KSR2: variants seen among roughly 807,000 people sequenced by gnomAD.
KSR2 encodes kinase suppressor of ras 2.
KSR2 carries 25 observed loss-of-function variants against 107.8 expected under a neutral mutation model. The observed-to-expected ratio is 0.23, with a 90% CI of 0.17 to 0.32. The LOEUF (loss-of-function observed/expected upper bound fraction) is 0.32. Among genes scored for constraint, KSR2 ranks in the 10% least tolerant of loss-of-function variants. The pLI is 1.00. For synonymous variants in KSR2, 480 were observed against 507.0 expected (o/e 0.95, Z 0.71); for missense variants, 887 against 1,268.9 (o/e 0.70, Z 4.57).
chr12:117,627,025 C>CTT (rs201042072), intron 5 of KSR2, among the ~76,000 whole-genome samples: 9,607 of 144,674 alleles, frequency 0.066, 649 homozygotes, highest in East Asian at 0.23. Context: ...GCAACCCCTG[C>CTT]TTTTTTTTTT....
intron 1 of KSR2, among the ~76,000 whole-genome samples, chr12:117,900,004 C>T (rs1350840556): frequency 6.6e-6 from 1 of 152,180 alleles, no homozygotes; most frequent in Non-Finnish European, 1.5e-5. Flanking sequence ...AGCAGATCTC[C>T]CCCAGTCCAG....
chr12:117,809,431 C>T (rs772189274), intron 3 of KSR2, among the ~76,000 whole-genome samples: 9 of 152,154 alleles, frequency 5.9e-5, no homozygotes, highest in Non-Finnish European at 1.3e-4. Context: ...GACAAGCCAA[C>T]CTACCTCCTG....
At chr12:117,875,557 A>C in intron 1 of KSR2, among the ~76,000 whole-genome samples, 1 of 152,032 alleles carries the variant, frequency 6.6e-6, no homozygotes, top group Non-Finnish European at 1.5e-5. Flanking sequence ...CACACACATA[A>C]AGAGGCAGGC....
intron 3 of KSR2, among the ~76,000 whole-genome samples, chr12:117,797,164 C>T (rs1203635916): frequency 6.6e-6 from 1 of 152,146 alleles, no homozygotes. Flanking sequence ...AACAGGTGCT[C>T]AAACAAATCT....
At chr12:117,941,253 A>C (rs554364767) in intron 1 of KSR2, among the ~76,000 whole-genome samples, 63 of 151,478 alleles carry the variant, frequency 4.2e-4, no homozygotes, top group Admixed American at 2.3e-3. Flanking sequence ...CAAACATTCC[A>C]CTTCTGCCCC....
At chr12:117,966,737 T>C (rs1258800759) in intron 1 of KSR2, among the ~76,000 whole-genome samples, 2 of 151,520 alleles carry the variant, frequency 1.3e-5, no homozygotes, top group African/African-American at 4.9e-5. Context: ...CTCCTGCATG[T>C]TGACATCCAG....
At chr12:117,966,617 G>A (rs768704361) in intron 1 of KSR2, among the ~76,000 whole-genome samples, 1,898 of 130,612 alleles carry the variant, frequency 0.015, 44 homozygotes, top group African/African-American at 0.051. Flanking sequence ...TCTCTCACAC[G>A]CGCACGCACA....
rs191638860 is a variant in KSR2, at chr12:117,479,411, A to T, written c.2451-2816T>A. The stretch of plus-strand genomic sequence containing the variant: ...ACCATTAAATTTGTTCTAATTTAGG[A>T]TTTCTCAACCTTGGCACTATTGACA... On this transcript the variant is annotated intron_variant, in intron 16 of 19. Coordinates refer to ENST00000339824, the MANE Select transcript of KSR2 (RefSeq NM_173598.6). Among the ~76,000 whole-genome samples the T allele has an allele frequency of 2.0e-5, 3 of 152,290 alleles. No individual in the cohort carries two copies. The East Asian group carries it at 5.8e-4, about 29-fold the overall frequency.
chr12:117,528,854 C>T (rs186572164), intron 12 of KSR2, among the ~76,000 whole-genome samples: 6 of 152,340 alleles, frequency 3.9e-5, no homozygotes, highest in African/African-American at 1.2e-4. Context: ...CATCACTCCG[C>T]GCACATTTAA....
chr12:117,620,504 G>A (rs1229623010), intron 5 of KSR2, among the ~76,000 whole-genome samples: 1 of 152,082 alleles, frequency 6.6e-6, no homozygotes, highest in African/African-American at 2.4e-5. Flanking sequence ...AAAACACAAA[G>A]GAAACAAAAA....
intron 5 of KSR2, among the ~76,000 whole-genome samples, chr12:117,666,269 C>A (rs139075696): frequency 6.6e-6 from 1 of 152,126 alleles, no homozygotes; most frequent in Non-Finnish European, 1.5e-5. Context: ...AACCATCTAG[C>A]GGGATGTTGG....
chr12:117,780,647 T>C (rs189352132), intron 3 of KSR2, among the ~76,000 whole-genome samples: 30 of 152,296 alleles, frequency 2.0e-4, no homozygotes, highest in African/African-American at 7.0e-4. Context: ...TGTGAACATG[T>C]TTAATGCCAC....
rs539139699 is a variant in KSR2 at position 117,800,925 on chromosome 12, T to C, written c.473-39401A>G. On this transcript the variant is annotated intron_variant, in intron 3 of 19. Coordinates refer to ENST00000339824, the MANE Select transcript of KSR2 (RefSeq NM_173598.6). The stretch of plus-strand genomic sequence containing the variant: ...TTTATCCATGTCCCTGCAAAGGACA[T>C]GAACTCATTTTTTATGGCTGCATAG... Among the ~76,000 whole-genome samples, 8 of 152,300 alleles carry C rather than the reference T, an allele frequency of 5.3e-5. No individual in the cohort carries two copies. The South Asian group carries it at 1.7e-3, about 32-fold the overall frequency.
At chr12:117,936,455 T>C (rs1403516192) in intron 1 of KSR2, among the ~76,000 whole-genome samples, 1 of 152,014 alleles carries the variant, frequency 6.6e-6, no homozygotes, top group Admixed American at 6.6e-5. Context: ...GCCTCCAGAG[T>C]AGCTGGGACT....
At chr12:117,501,197 G>A (rs963826706) in intron 14 of KSR2, among the ~76,000 whole-genome samples, 5 of 152,240 alleles carry the variant, frequency 3.3e-5, no homozygotes, top group Non-Finnish European at 5.9e-5. Flanking sequence ...AGTAAAGTTT[G>A]ATTGGAAGAC....
intron 3 of KSR2, among the ~76,000 whole-genome samples, chr12:117,801,386 C>T (rs548112317): frequency 6.6e-6 from 1 of 152,092 alleles, no homozygotes; most frequent in Non-Finnish European, 1.5e-5. Context: ...ACCTTGGCCT[C>T]CCAAAGTGCT....
At chr12:117,900,316 A>G (rs1308410258) in intron 1 of KSR2, among the ~76,000 whole-genome samples, 4 of 152,214 alleles carry the variant, frequency 2.6e-5, no homozygotes, top group Non-Finnish European at 5.9e-5. Flanking sequence ...CTCAGCTAAT[A>G]AGAATCATAA....
chr12:117,519,278 A>C (rs1397150170), intron 14 of KSR2, among the ~76,000 whole-genome samples: 2 of 152,146 alleles, frequency 1.3e-5, no homozygotes, highest in Non-Finnish European at 2.9e-5. Context: ...GTGTGCCCGA[A>C]GCTCTTGGCA....
intron 4 of KSR2, among the ~76,000 whole-genome samples, chr12:117,759,085 G>A (rs569691229): frequency 1.3e-5 from 2 of 152,262 alleles, no homozygotes; most frequent in South Asian, 4.2e-4. Flanking sequence ...TCTCAAACAT[G>A]CATTCTACGT....
Sources: allele counts gnomAD v4.1 joint callset (sites outside exome capture counted in the v4.1 genomes callset), GRCh38; gene constraint gnomAD v4.1.1; transcripts MANE v1.5; gene names NCBI Gene and HGNC (gene_info 2026-07-23, HGNC 2026-07-21).